The following C10orf90 variants were observed in gnomAD, a reference collection of about 807,000 sequenced individuals.
C10orf90 encodes chromosome 10 open reading frame 90.
In C10orf90, 56 loss-of-function variants were observed where a neutral mutation model predicts 62.5. The observed-to-expected ratio is 0.90, with a 90% confidence interval of 0.72 to 1.12. C10orf90 has a LOEUF of 1.12. Among genes scored for constraint, C10orf90 ranks in the 50% most tolerant of loss-of-function variants. The pLI, the probability that C10orf90 is intolerant of heterozygous loss-of-function variation, is 0.00. For missense variants in C10orf90, 970 were observed against 880.4 expected (o/e 1.10, Z -1.29); for synonymous variants, 386 against 340.4 (o/e 1.13, Z -1.47).
chr10:126,465,083 G>A (rs995302351), intron 4 of C10orf90, 97 bp from the exon 5 acceptor site: 3 of 1,266,688 alleles, frequency 2.4e-6, no homozygotes, highest in South Asian at 1.4e-5. Flanking sequence ...GGACAGACTT[G>A]GGGGGGAGTA....
At chr10:126,454,167 G>A (rs1453244345) in intron 7 of C10orf90, among the ~76,000 whole-genome samples, 1 of 152,038 alleles carries the variant, frequency 6.6e-6, no homozygotes. Flanking sequence ...CACAGGGACT[G>A]TATCCTTACT....
intron 5 of C10orf90, among the ~76,000 whole-genome samples, chr10:126,464,289 AG>A (rs1800095092): frequency 6.6e-6 from 1 of 152,114 alleles, no homozygotes; most frequent in African/African-American, 2.4e-5. Context: ...GACCTGTGGA[AG>A]CCCCGTGCCT....
intron 4 of C10orf90, among the ~76,000 whole-genome samples, chr10:126,495,422 A>G (rs1342469160): frequency 1.3e-5 from 2 of 152,232 alleles, no homozygotes; most frequent in Admixed American, 1.3e-4. Flanking sequence ...ACCTAAGGTC[A>G]ATAGAATGCT....
chr10:126,598,515 C>T (rs1289530504), intron 2 of C10orf90, among the ~76,000 whole-genome samples: 2 of 152,142 alleles, frequency 1.3e-5, no homozygotes, highest in Admixed American at 6.5e-5. Context: ...TATGCCACCC[C>T]ACAGGTTATG....
At chr10:126,658,009 C>T (rs1246514582) in intron 1 of C10orf90, among the ~76,000 whole-genome samples, 1 of 152,202 alleles carries the variant, frequency 6.6e-6, no homozygotes, top group Non-Finnish European at 1.5e-5. Context: ...TCCCTCACCA[C>T]CCCATTGACA....
chr10:126,558,484 G>T (rs76625518), intron 2 of C10orf90, among the ~76,000 whole-genome samples: 1 of 152,100 alleles, frequency 6.6e-6, no homozygotes, highest in Non-Finnish European at 1.5e-5. Flanking sequence ...TTCTGCAGGC[G>T]GGCTGTGCAC....
chr10:126,560,010 T>A (rs1214119566), intron 2 of C10orf90, among the ~76,000 whole-genome samples: 1 of 152,166 alleles, frequency 6.6e-6, no homozygotes, highest in Non-Finnish European at 1.5e-5. Context: ...TAGGCCTCTT[T>A]CCTTTCCTCT....
At chr10:126,442,478 CAT>C (rs55780866) in intron 7 of C10orf90, among the ~76,000 whole-genome samples, 2,705 of 33,744 alleles carry the variant, frequency 0.08, 226 homozygotes, top group Admixed American at 0.11. Context: ...TTCAATATTT[CAT>C]ATATATATAT....
chr10:126,527,025 T>A (rs1307360422), intron 2 of C10orf90, among the ~76,000 whole-genome samples: 1 of 152,192 alleles, frequency 6.6e-6, no homozygotes, highest in African/African-American at 2.4e-5. Flanking sequence ...ACTGTGAAAA[T>A]TCATGCACAA....
At chr10:126,628,841 G>A (rs1431858681) in intron 2 of C10orf90, among the ~76,000 whole-genome samples, 2 of 152,188 alleles carry the variant, frequency 1.3e-5, no homozygotes, top group South Asian at 4.1e-4. Context: ...TGGCAGGAGT[G>A]CAACTGGTGA....
intron 2 of C10orf90, among the ~76,000 whole-genome samples, chr10:126,600,272 G>C (rs990453107): frequency 1.3e-5 from 2 of 152,224 alleles, no homozygotes; most frequent in South Asian, 2.1e-4. Context: ...TTGGCATGCG[G>C]AGTGCAGACT....
chr10:126,583,727 G>T (rs1844800419), intron 2 of C10orf90, among the ~76,000 whole-genome samples: 1 of 152,166 alleles, frequency 6.6e-6, no homozygotes. Flanking sequence ...CAAGGTCCAG[G>T]TGCCTCTAGT....
intron 2 of C10orf90, among the ~76,000 whole-genome samples, chr10:126,574,826 C>G (rs1844577268): frequency 6.6e-6 from 1 of 152,114 alleles, no homozygotes; most frequent in South Asian, 2.1e-4. Flanking sequence ...TATGGCCATA[C>G]CACTCTGAAT....
intron 2 of C10orf90, among the ~76,000 whole-genome samples, chr10:126,589,105 T>A (rs555692019): frequency 6.6e-6 from 1 of 152,200 alleles, no homozygotes; most frequent in African/African-American, 2.4e-5. Flanking sequence ...GGAAAGAATC[T>A]CAGAGCTTGA....
intron 1 of C10orf90, among the ~76,000 whole-genome samples, chr10:126,659,832 A>C (rs750818316): frequency 6.0e-4 from 91 of 152,250 alleles, no homozygotes; most frequent in Non-Finnish European, 9.4e-4. Flanking sequence ...TCTTACATGC[A>C]CTGACTAATC....
At chr10:126,425,956 A>G in intron 9 of C10orf90, 35 bp downstream of exon 9, 1 of 1,613,564 alleles carries the variant, frequency 6.2e-7, no homozygotes, top group Middle Eastern at 1.6e-4. Flanking sequence ...TCTGTGCACC[A>G]CACACATCAC....
intron 2 of C10orf90, among the ~76,000 whole-genome samples, chr10:126,586,603 C>G (rs1207720684): frequency 6.6e-6 from 1 of 152,098 alleles, no homozygotes; most frequent in African/African-American, 2.4e-5. Context: ...CATACAGCTG[C>G]TCAGAATATG....
At chr10:126,457,718 G>A (rs1411932328) in intron 7 of C10orf90, among the ~76,000 whole-genome samples, 1 of 152,178 alleles carries the variant, frequency 6.6e-6, no homozygotes, top group Non-Finnish European at 1.5e-5. Context: ...ACACTGCCCA[G>A]GGCCAGTGGA....
At chr10:126,550,638 T>C (rs981707409) in intron 2 of C10orf90, among the ~76,000 whole-genome samples, 1 of 152,120 alleles carries the variant, frequency 6.6e-6, no homozygotes, top group African/African-American at 2.4e-5. Flanking sequence ...GCCTCCCTAG[T>C]AGCTGGGATT....
Sources: allele counts gnomAD v4.1 joint callset (sites outside exome capture counted in the v4.1 genomes callset), GRCh38; gene constraint gnomAD v4.1.1; transcripts MANE v1.5; gene names NCBI Gene and HGNC (gene_info 2026-07-23, HGNC 2026-07-21).